Variants in CYS1 observed in about 807,000 individuals in gnomAD.
CYS1 encodes cystin 1.
Under a neutral mutation model 9.6 loss-of-function variants are expected in CYS1, and 5 were observed. The ratio of observed to expected loss-of-function variants is 0.52; its 90% CI spans 0.27 to 1.10. CYS1 has a LOEUF of 1.10. CYS1 is among the 50% of genes least tolerant of loss of function. CYS1 has a pLI of 0.11. For missense variants in CYS1, 221 were observed against 207.9 expected, an observed-to-expected ratio of 1.06 and a Z score of -0.39; for synonymous variants, 88 against 95.7, an observed-to-expected ratio of 0.92 and a Z score of 0.47.
intron 1 of CYS1, among the ~76,000 whole-genome samples, chr2:10,070,075 A>C (rs1357128858): frequency 2.0e-5 from 3 of 152,152 alleles, no homozygotes; most frequent in African/African-American, 7.2e-5. Flanking sequence ...TCAAGGCCAA[A>C]CACACACCCT....
chr2:10,064,565 T>C (rs1661669238), intron 2 of CYS1, among the ~76,000 whole-genome samples: 1 of 152,108 alleles, frequency 6.6e-6, no homozygotes. Flanking sequence ...CCACTCAGCA[T>C]TCAAGGCCCT....
chr2:10,066,081 G>C (rs574635639), intron 1 of CYS1, 125 bp from the exon 2 acceptor site: 9 of 1,078,284 alleles, frequency 8.3e-6, no homozygotes, highest in Non-Finnish European at 1.3e-5. Context: ...GCCTCGGAGC[G>C]GAAAGGCTCT....
At chr2:10,074,808 AG>A (rs1661820111) in intron 1 of CYS1, among the ~76,000 whole-genome samples, 1 of 152,190 alleles carries the variant, frequency 6.6e-6, no homozygotes, top group Non-Finnish European at 1.5e-5. Flanking sequence ...CATAAACTCC[AG>A]GCTGTTCAAA....
At chr2:10,072,968 G>A (rs1334020355) in intron 1 of CYS1, among the ~76,000 whole-genome samples, 1 of 151,258 alleles carries the variant, frequency 6.6e-6, no homozygotes, top group Non-Finnish European at 1.5e-5. Context: ...CAGTGCAGAT[G>A]TGTGGGAGCA....
intron 2 of CYS1, among the ~76,000 whole-genome samples, chr2:10,064,056 C>G (rs1661663057): frequency 6.6e-6 from 1 of 152,022 alleles, no homozygotes; most frequent in Non-Finnish European, 1.5e-5. Context: ...AACCCTGTCT[C>G]TACAAAAAAT....
rs116022817 is a variant in CYS1 at position 10,079,155 on chromosome 2, T to C, written c.318+751A>G. ...AGCTCTGTGCACTGTCGCCTGGGGC[T>C]GTCCCTCTCCCCCACCCTCCCTGGG... On this transcript the variant is annotated intron_variant, in intron 1 of 2. Transcript: ENST00000381813. Among the ~76,000 whole-genome samples, 471 of 152,204 alleles carry C rather than the reference T, an allele frequency of 3.1e-3. 2 individuals carry two copies. The highest frequency in any genetic ancestry group is 0.011 in the African/African-American group (447 of 41,508).
chr2:10,058,820 T>A lies in CYS1; in HGVS notation c.*33A>T, dbSNP rs1236049519. On this transcript the variant is annotated 3_prime_UTR_variant, in exon 3 of 3. Transcript: ENST00000381813. Reference sequence around the variant, plus strand: ...GAGGGTGCCCCAGCCAGCAGGTGCCTCCGAGGCCTGGCGGGGGTGGAGCAT... The same window carrying A: ...GAGGGTGCCCCAGCCAGCAGGTGCCACCGAGGCCTGGCGGGGGTGGAGCAT... 1 of 1,525,190 alleles carries A rather than the reference T, an allele frequency of 6.6e-7. No homozygotes were observed. Among genetic ancestry groups the A allele is most frequent in the Non-Finnish European group, 8.8e-7 (1 of 1,130,362 alleles). 94.5% of individuals were successfully genotyped at this position (1,525,190 alleles called of 1,614,324 possible).
At chr2:10,077,259 C>G (rs925790127) in intron 1 of CYS1, among the ~76,000 whole-genome samples, 7 of 152,134 alleles carry the variant, frequency 4.6e-5, no homozygotes. Flanking sequence ...CCACCTCACT[C>G]CCCCTTTCTT....
At chr2:10,066,892 T>C (rs923142759) in intron 1 of CYS1, among the ~76,000 whole-genome samples, 21 of 152,244 alleles carry the variant, frequency 1.4e-4, no homozygotes, top group African/African-American at 4.8e-4. Context: ...GGGGGACTTA[T>C]AGCTTTACAA....
rs1305448189 is a variant in CYS1, at chr2:10,057,676, C to CCCTGCAGGCTGCTGGGGAGGAG, written c.*1155_*1176dup. On this transcript the variant is annotated 3_prime_UTR_variant, in exon 3 of 3. Transcript: ENST00000381813. ...TCCTCCTTCCCCCTCTGTCCTGATGCCCTGCAGGCTGCTGGGGAGGAGCCT... is the reference window on the plus strand; with the variant it reads ...TCCTCCTTCCCCCTCTGTCCTGATGCCCTGCAGGCTGCTGGGGAGGAGCCTGCAGGCTGCTGGGGAGGAGCCT... The CCCTGCAGGCTGCTGGGGAGGAG allele has an allele frequency of 1.2e-4, 18 of 152,832 alleles. No homozygotes were observed. The highest frequency in any genetic ancestry group is 4.4e-5 in the Non-Finnish European group (3 of 68,554). The allele number at this position is 152,832 out of a possible 1,614,324, so 9.5% of individuals were successfully genotyped here.
At chr2:10,061,109 G>A (rs1661620816) in intron 2 of CYS1, among the ~76,000 whole-genome samples, 1 of 152,174 alleles carries the variant, frequency 6.6e-6, no homozygotes, top group Non-Finnish European at 1.5e-5. Context: ...GCATGCGCCT[G>A]TAGTCCCAGC....
intron 1 of CYS1, among the ~76,000 whole-genome samples, chr2:10,068,434 G>C (rs539741463): frequency 5.1e-4 from 77 of 152,304 alleles, no homozygotes; most frequent in Non-Finnish European, 9.4e-4. Context: ...GGCCTAAGAG[G>C]CCTTCCTCCA....
chr2:10,062,744 G>A (rs564890797), intron 2 of CYS1, among the ~76,000 whole-genome samples: 43 of 152,256 alleles, frequency 2.8e-4, no homozygotes, highest in Non-Finnish European at 5.6e-4. Flanking sequence ...TCCAACCTGG[G>A]GAAATACTGC....
chr2:10,076,157 G>A lies in CYS1; in HGVS notation c.318+3749C>T, dbSNP rs1266108012. The stretch of plus-strand genomic sequence containing the variant: ...TGAGCCGATGCACTCCAGCCTGGGC[G>A]ACAGACCAAGATTCCATCTCAAAAA... On this transcript the variant is annotated intron_variant, in intron 1 of 2. Transcript: ENST00000381813. The surrounding 1 kb of genome is among the most constrained non-coding windows in gnomAD (Gnocchi z 4.3). Among the ~76,000 whole-genome samples, 2 of 152,080 alleles carry A rather than the reference G, an allele frequency of 1.3e-5. No homozygotes were observed. Among genetic ancestry groups the A allele is most frequent in the Admixed American group, 6.6e-5 (1 of 15,262 alleles).
chr2:10,062,007 G>T (rs1229391076), intron 2 of CYS1, among the ~76,000 whole-genome samples: 1 of 151,760 alleles, frequency 6.6e-6, no homozygotes, highest in Admixed American at 6.6e-5. Context: ...GACTCCTAAA[G>T]TCATGCTTTT....
intron 2 of CYS1, among the ~76,000 whole-genome samples, chr2:10,059,265 G>A (rs1375798379): frequency 3.9e-5 from 6 of 152,274 alleles, no homozygotes. Context: ...TCACCCGCGC[G>A]CCTCAGGCAA....
intron 2 of CYS1, among the ~76,000 whole-genome samples, chr2:10,061,362 C>T (rs370063776): frequency 3.9e-5 from 6 of 152,338 alleles, no homozygotes; most frequent in African/African-American, 4.8e-5. Context: ...GGCTCACCTC[C>T]CCTGAGGATT....
chr2:10,065,526 C>T (rs1343169348), intron 2 of CYS1, among the ~76,000 whole-genome samples: 2 of 152,208 alleles, frequency 1.3e-5, no homozygotes, highest in Non-Finnish European at 2.9e-5. Flanking sequence ...CAGGTGGGCC[C>T]GCTGCTGGCC....
chr2:10,069,644 GGT>G (rs1558359301), intron 1 of CYS1, among the ~76,000 whole-genome samples: 1 of 152,098 alleles, frequency 6.6e-6, no homozygotes, highest in Non-Finnish European at 1.5e-5. Context: ...TGGGATAACA[GGT>G]GTGAGCCACT....
Sources: gnomAD v4.1 joint callset for allele counts (sites outside exome capture counted in the v4.1 genomes callset) on GRCh38, gnomAD v4.1.1 for gene constraint, Gnocchi (gnomAD v3.1) non-coding constraint, MANE v1.5 for transcripts, NCBI Gene and HGNC (gene_info 2026-07-23, HGNC 2026-07-21) for gene names.